The following XPO6 variants were observed in gnomAD, a reference collection of about 807,000 sequenced individuals.
XPO6 encodes exportin-6.
In XPO6, 3 loss-of-function variants were observed where a neutral mutation model predicts 130.0. The ratio of observed to expected loss-of-function variants is 0.02; its 90% CI spans 0.01 to 0.06. XPO6 has a LOEUF of 0.06. Ranked by LOEUF, XPO6 falls within the 10% of genes least tolerant of loss-of-function variation. The pLI, the probability that XPO6 is intolerant of heterozygous loss-of-function variation, is 1.00. For synonymous variants in XPO6, 524 were observed against 548.9 expected, an observed-to-expected ratio of 0.95 and a Z score of 0.63; for missense variants, 970 against 1,393.0, an observed-to-expected ratio of 0.70 and a Z score of 4.83.
In XPO6 at chr16:28,132,653, T is replaced by A. The variant is rs1192472462; in HGVS notation, c.1537-250A>T. On this transcript the variant is annotated intron_variant, in intron 11 of 23. Coordinates refer to ENST00000304658, the MANE Select transcript of XPO6 (RefSeq NM_015171.4). This position sits in a 1 kb window ranked among gnomAD's most constrained non-coding sequence, Gnocchi z 4.0. ...AAAACGTATTAGTTCAACCCTTTTTTTAAAAAAAAAAAAAAAGCAAAGGAC... is the reference window on the plus strand; with the variant it reads ...AAAACGTATTAGTTCAACCCTTTTTATAAAAAAAAAAAAAAAGCAAAGGAC... Among the ~76,000 whole-genome samples, 3 of 136,232 alleles carry A rather than the reference T, an allele frequency of 2.2e-5. No homozygotes were observed. Among genetic ancestry groups the A allele is most frequent in the African/African-American group, 8.5e-5 (3 of 35,442 alleles). 89.4% of individuals were successfully genotyped at this position (136,232 alleles called of 152,430 possible). A position where few individuals can be genotyped will look rare whatever the true frequency, so the allele number is the denominator to read the frequency against.
At position 28,106,067 on chromosome 16, in the gene XPO6, C is replaced by T; in HGVS notation, c.2760G>A (p.Glu920=). 2.5e-6 allele frequency: 4 copies of T among 1,614,160 alleles called. No individual in the cohort carries two copies. Among genetic ancestry groups the T allele is most frequent in the Middle Eastern group, 3.3e-4 (2 of 6,062 alleles). ...CCTCGGCAATGATGGGATACACTTG[C>T]TCCATGCACAGGGCGATGATGCTGG... ...FLPSIIALCM[E]QVYPIIAERP... The change falls in exon 20 of 24, where the codon GAG becomes GAA. Residue 920 remains glutamate, a synonymous_variant. Coordinates refer to ENST00000304658, the MANE Select transcript of XPO6 (RefSeq NM_015171.4). This position sits in a 1 kb window ranked among gnomAD's most constrained non-coding sequence, Gnocchi z 4.2.
Position 28,185,076 on chromosome 16 carries a change from T to A in XPO6, c.4-4045A>T, listed in dbSNP as rs190351408. On this transcript the variant is annotated intron_variant, in intron 1 of 23. Coordinates refer to ENST00000304658, the MANE Select transcript of XPO6 (RefSeq NM_015171.4). ...GTGATTTCTTGATAGAGGAGAATAT[T>A]ATAAGACAACAGGAATTAATATTGC... 6.1e-3 allele frequency among the ~76,000 whole-genome samples: 936 copies of A among 152,348 alleles called. 4 individuals carry two copies. The highest frequency in any genetic ancestry group is 9.7e-3 in the Non-Finnish European group (657 of 68,026).
chr16:28,167,640 T>G (rs542491234), intron 5 of XPO6, among the ~76,000 whole-genome samples: 5 of 152,338 alleles, frequency 3.3e-5, no homozygotes, highest in African/African-American at 4.8e-5. Flanking sequence ...TTTACTTGTG[T>G]CTCCCCACTC....
At chr16:28,182,398 C>T (rs1261635825) in intron 1 of XPO6, among the ~76,000 whole-genome samples, 1 of 152,178 alleles carries the variant, frequency 6.6e-6, no homozygotes, top group Non-Finnish European at 1.5e-5. Context: ...CCAACACACA[C>T]AAGTGCACTC....
At chr16:28,116,992 A>G (rs2087080351) in intron 15 of XPO6, 1 of 252,896 alleles carries the variant, frequency 4.0e-6, no homozygotes, top group Admixed American at 4.7e-5. Context: ...GTGTGCCTGC[A>G]CAACCACTGC....
chr16:28,104,839 C>T, intron 20 of XPO6, 132 bp from the exon 21 acceptor site: 1 of 1,008,048 alleles, frequency 9.9e-7, no homozygotes, highest in Non-Finnish European at 1.4e-6. Context: ...ACATGCCTGT[C>T]ACTACCTGCG....
rs751632811 is a variant in XPO6 at position 28,133,914 on chromosome 16, C to T, written c.1463G>A (p.Arg488Gln). 5.6e-6 allele frequency: 9 copies of T among 1,613,928 alleles called. No homozygotes were observed. Among genetic ancestry groups the T allele is most frequent in the Middle Eastern group, 1.6e-4 (1 of 6,084 alleles). The stretch of plus-strand genomic sequence containing the variant: ...CACCTCCAAGCTCTGCCGTAAGTAC[C>T]GCTGCCACTCCGTCTGCTGCTGTAG... ...LDDDQQTEWQ[R>Q]YLRQSLEVVA... The change falls in exon 11 of 24, where the codon CGG becomes CAG. Residue 488 changes from arginine (R) to glutamine (Q), a missense_variant. Physicochemically the swap from Arg to Gln is conservative, Grantham distance 43 (BLOSUM62 1). Coordinates refer to ENST00000304658, the MANE Select transcript of XPO6 (RefSeq NM_015171.4).
chr16:28,186,527 C>G (rs1042941886), intron 1 of XPO6, among the ~76,000 whole-genome samples: 1 of 151,894 alleles, frequency 6.6e-6, no homozygotes, highest in Non-Finnish European at 1.5e-5. Context: ...CATGCCACCA[C>G]ATCTGGCTTT....
chr16:28,107,711 G>T (rs763204559), intron 17 of XPO6, 34 bp from the exon 18 acceptor site: 10 of 1,608,044 alleles, frequency 6.2e-6, no homozygotes, highest in Non-Finnish European at 8.5e-6. Context: ...GTTATAAGCT[G>T]TCTGGGGAGA....
At chr16:28,146,355 C>G in intron 8 of XPO6, 152 bp from the exon 9 acceptor site, 1 of 627,634 alleles carries the variant, frequency 1.6e-6, no homozygotes, top group Non-Finnish European at 2.8e-6. Context: ...GGCTTTTAGT[C>G]GGTCTATACC....
Position 28,132,750 on chromosome 16 carries a change from T to C in XPO6, c.1537-347A>G, listed in dbSNP as rs1364803837. On this transcript the variant is annotated intron_variant, in intron 11 of 23. Coordinates refer to ENST00000304658, the MANE Select transcript of XPO6 (RefSeq NM_015171.4). This position sits in a 1 kb window ranked among gnomAD's most constrained non-coding sequence, Gnocchi z 4.0. ...AAATGACCTACACCTTCTAGAACTC[T>C]GAGAAGGGACCATATCTCCCTTCAA... Among the ~76,000 whole-genome samples, 1 of 151,232 alleles carries C rather than the reference T, an allele frequency of 6.6e-6. No individual in the cohort carries two copies. Among genetic ancestry groups the C allele is most frequent in the Non-Finnish European group, 1.5e-5 (1 of 67,922 alleles).
chr16:28,197,989 A>AAAAAAAAAAAAAAAAAAAAAAAC (rs778368089), intron 1 of XPO6, among the ~76,000 whole-genome samples: 1 of 92,944 alleles, frequency 1.1e-5, no homozygotes, highest in Non-Finnish European at 2.0e-5. Flanking sequence ...AAAAAAAAAA[A>AAAAAAAAAAAAAAAAAAAAAAAC]CCCTCATACC....
chr16:28,154,185 A>C, intron 7 of XPO6: 4 of 979,220 alleles, frequency 4.1e-6, no homozygotes, highest in Non-Finnish European at 4.8e-6. Context: ...ATAGTTTTAC[A>C]TGGATATTCA....
At chr16:28,199,167 C>T (rs1160796696) in intron 1 of XPO6, among the ~76,000 whole-genome samples, 2 of 152,110 alleles carry the variant, frequency 1.3e-5, no homozygotes, top group Non-Finnish European at 2.9e-5. Context: ...ATTAAATAAA[C>T]AAACCCTTTT....
intron 1 of XPO6, among the ~76,000 whole-genome samples, chr16:28,204,298 T>C (rs1358567197): frequency 6.6e-6 from 1 of 152,196 alleles, no homozygotes; most frequent in Admixed American, 6.6e-5. Flanking sequence ...TAAAGCAGGA[T>C]GTCAGGGACT....
chr16:28,119,860 CTTTCT>C (rs1284328303), intron 14 of XPO6, among the ~76,000 whole-genome samples: 1 of 151,984 alleles, frequency 6.6e-6, no homozygotes, highest in Non-Finnish European at 1.5e-5. Flanking sequence ...AATTTCTTTT[CTTTCT>C]TTTCTTTTTT....
intron 1 of XPO6, among the ~76,000 whole-genome samples, chr16:28,192,669 G>A (rs2141892302): frequency 6.6e-6 from 1 of 152,234 alleles, no homozygotes; most frequent in South Asian, 2.1e-4. Flanking sequence ...TCTCCCTGGT[G>A]TACCAATCAG....
chr16:28,153,062 T>G (rs1468366648), intron 7 of XPO6: 1 of 1,079,346 alleles, frequency 9.3e-7, no homozygotes, highest in Non-Finnish European at 1.1e-6. Flanking sequence ...ATTTGTGTTG[T>G]GACCCAATTA....
intron 1 of XPO6, among the ~76,000 whole-genome samples, chr16:28,193,835 C>T (rs1393502212): frequency 6.6e-6 from 1 of 152,184 alleles, no homozygotes; most frequent in Non-Finnish European, 1.5e-5. Flanking sequence ...CTCAGTCCGT[C>T]TCTCAGCTCT....
Sources: allele counts gnomAD v4.1 joint callset (sites outside exome capture counted in the v4.1 genomes callset), GRCh38; gene constraint gnomAD v4.1.1; non-coding constraint Gnocchi (gnomAD v3.1); transcripts MANE v1.5; gene names NCBI Gene and HGNC (gene_info 2026-07-23, HGNC 2026-07-21).